The following ATRNL1 variants were observed in gnomAD, a reference collection of about 807,000 sequenced individuals.
The protein encoded by ATRNL1 is attractin like 1.
ATRNL1 carries 95 observed loss-of-function variants against 182.7 expected under a neutral mutation model. The observed-to-expected ratio is 0.52, with a 90% CI of 0.44 to 0.62. The LOEUF (loss-of-function observed/expected upper bound fraction) is 0.62. ATRNL1 is among the 20% of genes least tolerant of loss of function. The pLI is 0.00. For missense variants in ATRNL1, 1,471 were observed against 1,679.5 expected, an observed-to-expected ratio of 0.88 and a Z score of 2.17; for synonymous variants, 576 against 568.3, an observed-to-expected ratio of 1.01 and a Z score of -0.19.
chr10:115,691,269 T>C (rs1169132658), intron 26 of ATRNL1, among the ~76,000 whole-genome samples: 2 of 152,182 alleles, frequency 1.3e-5, no homozygotes, highest in Non-Finnish European at 2.9e-5. Flanking sequence ...TTTTCTCCAC[T>C]TCCTTACCAA....
chr10:115,628,148 A>AG lies in ATRNL1; in HGVS notation c.3795+78612_3795+78613insG, dbSNP rs1373568067. On this transcript the variant is annotated intron_variant, in intron 26 of 28. Coordinates refer to ENST00000355044, the MANE Select transcript of ATRNL1 (RefSeq NM_207303.4). ...GGCAACAGAGCAAGACTCTGTCTCAAAAAAAAAAAAAAGAAAGAAAAAAAA... is the reference window on the plus strand; with the variant it reads ...GGCAACAGAGCAAGACTCTGTCTCAAGAAAAAAAAAAAAGAAAGAAAAAAAA... Among the ~76,000 whole-genome samples, 479 of 146,288 alleles carry AG rather than the reference A, an allele frequency of 3.3e-3. 1 individual carries two copies. Among genetic ancestry groups the AG allele is most frequent in the Non-Finnish European group, 5.2e-3 (348 of 66,612 alleles).
At position 115,502,212 on chromosome 10, in the gene ATRNL1, C is replaced by T. The variant is rs145524320; in HGVS notation, c.3655-17051C>T. Reference sequence around the variant, plus strand: ...TACAAATACAGCTCAAAGAAAACCACGTGCCATTTTGTACTTGACAATGCT... The same window carrying T: ...TACAAATACAGCTCAAAGAAAACCATGTGCCATTTTGTACTTGACAATGCT... On this transcript the variant is annotated intron_variant, in intron 24 of 28. Transcript: ENST00000355044. 1.1e-3 allele frequency among the ~76,000 whole-genome samples: 169 copies of T among 152,116 alleles called. 2 individuals carry two copies. Among genetic ancestry groups the T allele is most frequent in the East Asian group, 9.7e-4 (5 of 5,166 alleles).
At chr10:115,608,318 C>G (rs138458764) in intron 26 of ATRNL1, among the ~76,000 whole-genome samples, 2 of 152,094 alleles carry the variant, frequency 1.3e-5, no homozygotes, top group Admixed American at 6.5e-5. Flanking sequence ...GTAAAACGTA[C>G]AATTCAGAAA....
chr10:115,497,519 G>A (rs1849608084), intron 24 of ATRNL1, among the ~76,000 whole-genome samples: 2 of 152,072 alleles, frequency 1.3e-5, no homozygotes, highest in African/African-American at 2.4e-5. Flanking sequence ...TTTCCTTGAT[G>A]AATCCCAATG....
chr10:115,188,637 T>C (rs1592232171), intron 8 of ATRNL1, among the ~76,000 whole-genome samples: 2 of 152,268 alleles, frequency 1.3e-5, no homozygotes, highest in South Asian at 4.1e-4. Context: ...ATGTTAACTT[T>C]TTTCCTTTTG....
intron 26 of ATRNL1, among the ~76,000 whole-genome samples, chr10:115,715,446 C>T (rs1351860319): frequency 1.3e-5 from 2 of 151,970 alleles, no homozygotes; most frequent in Non-Finnish European, 2.9e-5. Context: ...TGGAGGGAAC[C>T]CTGGAATATG....
At chr10:115,516,878 G>A (rs1245154369) in intron 24 of ATRNL1, among the ~76,000 whole-genome samples, 6 of 151,726 alleles carry the variant, frequency 4.0e-5, no homozygotes, top group East Asian at 1.9e-4. Flanking sequence ...CAAATTAGCC[G>A]CAAATCCTCC....
chr10:115,457,806 A>G (rs1554969033), intron 21 of ATRNL1, among the ~76,000 whole-genome samples: 2 of 151,608 alleles, frequency 1.3e-5, no homozygotes, highest in Non-Finnish European at 2.9e-5. Context: ...CCTTTTACCT[A>G]CCTCAGGGAA....
At chr10:115,878,959 G>A (rs2254035) in intron 28 of ATRNL1, among the ~76,000 whole-genome samples, 148,433 of 152,194 alleles carry the variant, frequency 0.98, 72,493 homozygotes, top group East Asian at 1. Context: ...AAAATAGTAT[G>A]AGGAAGAGAA....
At chr10:115,695,506 A>G (rs1215728337) in intron 26 of ATRNL1, among the ~76,000 whole-genome samples, 1 of 152,180 alleles carries the variant, frequency 6.6e-6, no homozygotes, top group Non-Finnish European at 1.5e-5. Flanking sequence ...TAAACCTAAT[A>G]TGATGTCATT....
Position 115,715,029 on chromosome 10 carries a change from A to T in ATRNL1, c.3796-12219A>T, listed in dbSNP as rs528575598. ...AGGAAGACGCTGCAAAGTTTTTGGG[A>T]GCATCATTAGACCAAGAGAGGTTGA... On this transcript the variant is annotated intron_variant, in intron 26 of 28. Coordinates refer to ENST00000355044, the MANE Select transcript of ATRNL1 (RefSeq NM_207303.4). 3.9e-4 allele frequency among the ~76,000 whole-genome samples: 60 copies of T among 152,282 alleles called. 1 individual carries two copies. In the South Asian group the frequency reaches 0.012, roughly 31 times the overall value.
chr10:115,332,187 G>C (rs1470784236), intron 18 of ATRNL1, among the ~76,000 whole-genome samples: 1 of 152,196 alleles, frequency 6.6e-6, no homozygotes, highest in Non-Finnish European at 1.5e-5. Flanking sequence ...GAATCCCTGA[G>C]TCCTGGAGAC....
intron 26 of ATRNL1, among the ~76,000 whole-genome samples, chr10:115,584,617 G>C (rs1855379944): frequency 6.7e-6 from 1 of 148,266 alleles, no homozygotes; most frequent in African/African-American, 2.5e-5. Context: ...ATTTTTTATT[G>C]CGTCTATTTG....
At chr10:115,871,964 G>A (rs1450754527) in intron 28 of ATRNL1, among the ~76,000 whole-genome samples, 1 of 152,132 alleles carries the variant, frequency 6.6e-6, no homozygotes, top group Non-Finnish European at 1.5e-5. Context: ...CTTGCTACTT[G>A]TTTTGGGGAT....
intron 1 of ATRNL1, among the ~76,000 whole-genome samples, chr10:115,111,665 C>A (rs540232408): frequency 1.1e-4 from 16 of 152,074 alleles, no homozygotes; most frequent in African/African-American, 2.7e-4. Context: ...CCTCCATGAC[C>A]CAAACTCTTC....
chr10:115,839,657 C>T (rs1555096534), intron 27 of ATRNL1, among the ~76,000 whole-genome samples: 1 of 152,128 alleles, frequency 6.6e-6, no homozygotes, highest in African/African-American at 2.4e-5. Flanking sequence ...CCCTCTCCTG[C>T]CTGCCTCCCT....
chr10:115,301,281 A>G (rs1479085890), intron 16 of ATRNL1, among the ~76,000 whole-genome samples: 3 of 152,194 alleles, frequency 2.0e-5, no homozygotes, highest in African/African-American at 7.2e-5. Flanking sequence ...GAATTACAAA[A>G]TAATGTGGCA....
intron 8 of ATRNL1, among the ~76,000 whole-genome samples, chr10:115,194,070 A>G (rs751642501): frequency 3.9e-5 from 6 of 151,926 alleles, no homozygotes; most frequent in African/African-American, 1.4e-4. Flanking sequence ...GATACTTGAT[A>G]TGATTTTAAT....
chr10:115,385,166 C>T (rs1288322005), intron 19 of ATRNL1, among the ~76,000 whole-genome samples: 2 of 151,976 alleles, frequency 1.3e-5, no homozygotes, highest in African/African-American at 4.8e-5. Flanking sequence ...ATATTTCTGT[C>T]AGAAATTTAT....
Sources: gnomAD v4.1 joint callset for allele counts (sites outside exome capture counted in the v4.1 genomes callset) on GRCh38, gnomAD v4.1.1 for gene constraint, MANE v1.5 for transcripts, NCBI Gene and HGNC (gene_info 2026-07-23, HGNC 2026-07-21) for gene names.